The following CATSPERT variants were observed in gnomAD, a reference collection of about 807,000 sequenced individuals.
CATSPERT encodes catsper channel auxiliary subunit tau.
At chr2:201,489,841 C>T in the CATSPERT span, among the ~76,000 whole-genome samples, 5 of 150,702 alleles carry the variant, frequency 3.3e-5, no homozygotes, top group Non-Finnish European at 7.4e-5. Flanking sequence ...AAAGTCTAGT[C>T]GCAGATTTAC....
At chr2:201,595,468 G>T in the CATSPERT span, among the ~76,000 whole-genome samples, 5 of 152,224 alleles carry the variant, frequency 3.3e-5, no homozygotes, top group African/African-American at 1.2e-4. Flanking sequence ...GATTACAGGC[G>T]TGAGCCACCG....
At chr2:201,617,878 C>T in the CATSPERT span, among the ~76,000 whole-genome samples, 3 of 152,040 alleles carry the variant, frequency 2.0e-5, no homozygotes, top group Non-Finnish European at 2.9e-5. Flanking sequence ...AACAAACAAC[C>T]CCATCAAAAA....
chr2:201,540,755 C>T, the CATSPERT span, among the ~76,000 whole-genome samples: 2 of 152,220 alleles, frequency 1.3e-5, no homozygotes, highest in South Asian at 2.1e-4. Context: ...TTCTGCAGCT[C>T]ACAGATCAAG....
At chr2:201,518,859 T>C in the CATSPERT span, among the ~76,000 whole-genome samples, 1 of 152,178 alleles carries the variant, frequency 6.6e-6, no homozygotes, top group Non-Finnish European at 1.5e-5. Context: ...CCTCCTAGGA[T>C]TCTGCAAATT....
At chr2:201,512,187 C>T in the CATSPERT span, among the ~76,000 whole-genome samples, 3 of 152,098 alleles carry the variant, frequency 2.0e-5, no homozygotes, top group East Asian at 1.9e-4. Flanking sequence ...TTTTCTTTTT[C>T]GTTAAAATAT....
the CATSPERT span, among the ~76,000 whole-genome samples, chr2:201,500,331 G>A: frequency 2.0e-5 from 3 of 151,924 alleles, no homozygotes; most frequent in African/African-American, 4.8e-5. Flanking sequence ...TGGCTAACAC[G>A]GTGAAACCCT....
At chr2:201,531,815 T>A in the CATSPERT span, among the ~76,000 whole-genome samples, 6 of 152,204 alleles carry the variant, frequency 3.9e-5, no homozygotes. Flanking sequence ...TGCTAACACA[T>A]GAGGACAGAA....
At chr2:201,560,321 G>A in the CATSPERT span, among the ~76,000 whole-genome samples, 1 of 151,928 alleles carries the variant, frequency 6.6e-6, no homozygotes, top group East Asian at 1.9e-4. Context: ...CTACTCGGAG[G>A]CTGAGGCACG....
chr2:201,582,354 A>G, the CATSPERT span: 5 of 856,488 alleles, frequency 5.8e-6, no homozygotes, highest in African/African-American at 1.8e-5. Flanking sequence ...TTATGCAAAT[A>G]AATATTATTT....
chr2:201,608,373 C>T, the CATSPERT span, among the ~76,000 whole-genome samples: 2 of 152,122 alleles, frequency 1.3e-5, no homozygotes, highest in East Asian at 1.9e-4. Flanking sequence ...AATGTGTATA[C>T]ACTTTTTTTT....
chr2:201,500,899 T>A, the CATSPERT span, among the ~76,000 whole-genome samples: 123 of 152,210 alleles, frequency 8.1e-4, 1 homozygote, highest in African/African-American at 2.9e-3. Context: ...TAGAAATCAG[T>A]AATAGAAGAA....
At chr2:201,582,133 A>G in the CATSPERT span, 1 of 1,609,418 alleles carries the variant, frequency 6.2e-7, no homozygotes, top group Non-Finnish European at 8.5e-7. Context: ...ACACTCCCTA[A>G]CAAGAAAGCA....
the CATSPERT span, chr2:201,487,795 A>G: frequency 1.9e-5 from 31 of 1,613,998 alleles, no homozygotes; most frequent in Non-Finnish European, 2.6e-5. Flanking sequence ...TGGCATGGTT[A>G]TGGATATCAT....
chr2:201,595,535 G>A, the CATSPERT span, among the ~76,000 whole-genome samples: 2 of 152,058 alleles, frequency 1.3e-5, no homozygotes, highest in Non-Finnish European at 2.9e-5. Flanking sequence ...CAGGTCTGTT[G>A]GAGTACTCGG....
chr2:201,528,558 T>G, the CATSPERT span, among the ~76,000 whole-genome samples: 1 of 152,248 alleles, frequency 6.6e-6, no homozygotes, highest in South Asian at 2.1e-4. Context: ...GGTATGTATA[T>G]TCCACGGAAT....
At chr2:201,614,412 T>G in the CATSPERT span, among the ~76,000 whole-genome samples, 1 of 152,070 alleles carries the variant, frequency 6.6e-6, no homozygotes, top group African/African-American at 2.4e-5. Context: ...ATTCAACATT[T>G]TTAAAGAAAA....
the CATSPERT span, among the ~76,000 whole-genome samples, chr2:201,488,932 CTA>C: frequency 6.6e-6 from 1 of 152,158 alleles, no homozygotes; most frequent in Non-Finnish European, 1.5e-5. Context: ...ATAATTTATG[CTA>C]TGTTAGTGAG....
the CATSPERT span, chr2:201,535,257 A>C: frequency 2.0e-6 from 2 of 985,198 alleles, no homozygotes; most frequent in South Asian, 9.4e-5. Flanking sequence ...TAGATGCCCA[A>C]GCTAGTATTT....
At chr2:201,585,975 G>A in the CATSPERT span, among the ~76,000 whole-genome samples, 4 of 151,778 alleles carry the variant, frequency 2.6e-5, no homozygotes, top group East Asian at 3.9e-4. Flanking sequence ...TTCCTCCTCC[G>A]CCACCCTTGA....
Sources: allele counts gnomAD v4.1 joint callset (sites outside exome capture counted in the v4.1 genomes callset), GRCh38; gene constraint gnomAD v4.1.1; transcripts MANE v1.5; gene names NCBI Gene and HGNC (gene_info 2026-07-23, HGNC 2026-07-21).